The following CAMK1G variants were observed in gnomAD, a reference collection of about 807,000 sequenced individuals.
The protein encoded by CAMK1G is calcium/calmodulin dependent protein kinase IG, also known as calcium/calmodulin-dependent protein kinase type 1G.
A neutral mutation model predicts 54.8 loss-of-function variants in CAMK1G; 27 were observed. The ratio of observed to expected loss-of-function variants is 0.49; its 90% CI spans 0.36 to 0.68. CAMK1G has a LOEUF of 0.68. Ranked by LOEUF, CAMK1G falls within the 30% of genes least tolerant of loss-of-function variation. The pLI, the probability that CAMK1G is intolerant of heterozygous loss-of-function variation, is 0.00. For synonymous variants in CAMK1G, 238 were observed against 224.9 expected (o/e 1.06, Z -0.52); for missense variants, 512 against 591.0 (o/e 0.87, Z 1.39).
At position 209,603,222 on chromosome 1, in the gene CAMK1G, A is replaced by G; in HGVS notation, c.230A>G (p.His77Arg). The G allele has an allele frequency of 6.2e-7, 1 of 1,614,164 alleles. No homozygotes were observed. The highest frequency in any genetic ancestry group is 8.5e-7 in the Non-Finnish European group (1 of 1,179,992). ...NEIAVLKKIK[H>R]ENIVTLEDIY... is the part of the protein sequence containing the mutation. ...CACTTTATTTTTCCCAGGATCAAGC[A>G]TGAAAACATTGTGACCCTGGAGGAC... The change falls in exon 4 of 13, where the codon CAT becomes CGT. Residue 77 changes from histidine to arginine, a missense_variant. Transcript: ENST00000361322.
intron 1 of CAMK1G, among the ~76,000 whole-genome samples, chr1:209,593,491 T>C (rs1281069988): frequency 6.6e-6 from 1 of 152,098 alleles, no homozygotes; most frequent in African/African-American, 2.4e-5. Flanking sequence ...GAGTGGAATA[T>C]CCAAAGGAAC....
In CAMK1G at chr1:209,595,025, A is replaced by G. The variant is rs1226765978; in HGVS notation, c.42A>G (p.Lys14=). 1.2e-6 allele frequency: 2 copies of G among 1,613,994 alleles called. No individual in the cohort carries two copies. Among genetic ancestry groups the G allele is most frequent in the Non-Finnish European group, 1.7e-6 (2 of 1,180,006 alleles). The change falls in exon 2 of 13, where the codon AAA becomes AAG. Residue 14 remains lysine, a synonymous_variant. Coordinates refer to ENST00000361322, the MANE Select transcript of CAMK1G (RefSeq NM_020439.3). ...AAGATGACTGCAGTTCCTGGAAGAA[A>G]CAGACCACCAACATCCGGAAAACCT... ...KEEDDCSSWK[K]QTTNIRKTFI...
intron 4 of CAMK1G, 52 bp downstream of exon 4, chr1:209,603,340 G>A (rs1313859168): frequency 1.3e-6 from 2 of 1,488,416 alleles, no homozygotes; most frequent in Non-Finnish European, 1.9e-6. Context: ...GGGCCTGGGA[G>A]GCCTACAGGA....
intron 1 of CAMK1G, among the ~76,000 whole-genome samples, chr1:209,591,124 C>G (rs1665237304): frequency 6.6e-6 from 1 of 152,148 alleles, no homozygotes; most frequent in Middle Eastern, 3.4e-3. Flanking sequence ...AGATCTCCAC[C>G]AGTCAGGGTC....
chr1:209,592,496 A>G lies in CAMK1G; in HGVS notation c.-29-2459A>G, dbSNP rs569474946. Among the ~76,000 whole-genome samples, 4 of 152,096 alleles carry G rather than the reference A, an allele frequency of 2.6e-5. No individual in the cohort carries two copies. In the East Asian group the frequency reaches 7.8e-4, roughly 29 times the overall value. Reference sequence around the variant, plus strand: ...GAGTCTCTGCCCAGCATGAGGCACTATCTCAACTCACCTCCTCCCTCGAGG... The same window carrying G: ...GAGTCTCTGCCCAGCATGAGGCACTGTCTCAACTCACCTCCTCCCTCGAGG... On this transcript the variant is annotated intron_variant, in intron 1 of 12. Transcript: ENST00000361322.
intron 2 of CAMK1G, among the ~76,000 whole-genome samples, chr1:209,595,587 G>A (rs556085439): frequency 6.6e-6 from 1 of 152,190 alleles, no homozygotes; most frequent in South Asian, 2.1e-4. Flanking sequence ...ACTTCTGGAG[G>A]TCCAGTGACA....
At chr1:209,595,880 T>TC (rs1316996863) in intron 2 of CAMK1G, among the ~76,000 whole-genome samples, 2 of 151,722 alleles carry the variant, frequency 1.3e-5, no homozygotes, top group Non-Finnish European at 2.9e-5. Context: ...TGGAACTGAC[T>TC]CCCCACTTAG....
chr1:209,586,045 G>A (rs1478768771), intron 1 of CAMK1G, among the ~76,000 whole-genome samples: 2 of 152,244 alleles, frequency 1.3e-5, no homozygotes, highest in Admixed American at 1.3e-4. Context: ...GGAAAGGCTG[G>A]TAACTCAGAG....
At chr1:209,583,968 G>C (rs1665027081) in intron 1 of CAMK1G, 196 bp downstream of exon 1, 2 of 152,204 alleles carry the variant, frequency 1.3e-5, no homozygotes, top group Non-Finnish European at 2.9e-5. Flanking sequence ...AAGTCTGAAT[G>C]GGGGGTCCGG....
intron 3 of CAMK1G, among the ~76,000 whole-genome samples, chr1:209,602,006 C>T (rs915962079): frequency 6.6e-6 from 1 of 152,132 alleles, no homozygotes; most frequent in African/African-American, 2.4e-5. Flanking sequence ...GAGTAAACTT[C>T]CTAGAGAATT....
intron 2 of CAMK1G, among the ~76,000 whole-genome samples, chr1:209,595,892 C>T (rs1208888967): frequency 6.6e-6 from 1 of 150,852 alleles, no homozygotes; most frequent in Non-Finnish European, 1.5e-5. Context: ...CCCACTTAGT[C>T]CTGCCTCTCC....
intron 2 of CAMK1G, among the ~76,000 whole-genome samples, chr1:209,599,309 C>A (rs1033101023): frequency 2.6e-5 from 4 of 152,156 alleles, no homozygotes; most frequent in Non-Finnish European, 5.9e-5. Flanking sequence ...AGATCAGCAA[C>A]ATAGTGAAGC....
chr1:209,606,297 A>G, intron 5 of CAMK1G, 23 bp from the exon 6 acceptor site: 1 of 1,612,852 alleles, frequency 6.2e-7, no homozygotes, highest in Admixed American at 1.7e-5. Flanking sequence ...TATATCCTAC[A>G]CTACATATTT....
At chr1:209,598,003 C>T (rs1190163887) in intron 2 of CAMK1G, among the ~76,000 whole-genome samples, 1 of 152,162 alleles carries the variant, frequency 6.6e-6, no homozygotes, top group Non-Finnish European at 1.5e-5. Context: ...GAATCAGATA[C>T]TATTGATACT....
chr1:209,592,568 C>T (rs888785392), intron 1 of CAMK1G, among the ~76,000 whole-genome samples: 6 of 152,290 alleles, frequency 3.9e-5, no homozygotes, highest in African/African-American at 1.2e-4. Flanking sequence ...TTGCAGGCAG[C>T]GCTCCTCCTA....
intron 4 of CAMK1G, 49 bp downstream of exon 4, chr1:209,603,337 G>T (rs1437027082): frequency 6.6e-7 from 1 of 1,503,978 alleles, no homozygotes; most frequent in Admixed American, 1.7e-5. Flanking sequence ...GTGGGGCCTG[G>T]GAGGCCTACA....
At chr1:209,600,134 T>A (rs1455829877) in intron 3 of CAMK1G, 23 bp downstream of exon 3, 1 of 1,609,612 alleles carries the variant, frequency 6.2e-7, no homozygotes, top group Admixed American at 1.7e-5. Flanking sequence ...TAGTGTTGAC[T>A]GGATCACTAT....
intron 2 of CAMK1G, 121 bp from the exon 3 acceptor site, chr1:209,599,862 T>G (rs906694957): frequency 8.6e-7 from 1 of 1,165,840 alleles, no homozygotes; most frequent in Non-Finnish European, 1.2e-6. Flanking sequence ...TTAAATTCAG[T>G]ATATGCCTTT....
In CAMK1G at chr1:209,599,998, A is replaced by G. The variant is rs1306330045; in HGVS notation, c.108A>G (p.Glu36=). 46 of 1,613,550 alleles carry G rather than the reference A, an allele frequency of 2.9e-5. No homozygotes were observed. The highest frequency in any genetic ancestry group is 3.7e-5 in the Non-Finnish European group (44 of 1,179,798). Residue 36 remains glutamate (E), a synonymous_variant, in exon 3 of 13, where the codon GAA becomes GAG. Transcript: ENST00000361322. ...TTCTCCTCAGAGGAGCTTTCTCAGA[A>G]GTTTTCCTGGTGAAGCAAAGACTGA... ...MEVLGSGAFS[E]VFLVKQRLTG... is the part of the protein sequence containing the mutation.
Sources: allele counts gnomAD v4.1 joint callset (sites outside exome capture counted in the v4.1 genomes callset), GRCh38; gene constraint gnomAD v4.1.1; transcripts MANE v1.5; gene names NCBI Gene and HGNC (gene_info 2026-07-23, HGNC 2026-07-21).